USP54: variants seen among roughly 807,000 people sequenced by gnomAD.
The protein encoded by USP54 is ubiquitin carboxyl-terminal hydrolase 54.
In USP54, 87 loss-of-function variants were observed where a neutral mutation model predicts 170.5. The ratio of observed to expected loss-of-function variants is 0.51; its 90% CI spans 0.43 to 0.61. The LOEUF (loss-of-function observed/expected upper bound fraction) is 0.61, where lower values mean the gene tolerates loss of function less well. Among genes scored for constraint, USP54 ranks in the 20% least tolerant of loss-of-function variants. The pLI is 0.00. For synonymous variants in USP54, 655 were observed against 742.8 expected, an observed-to-expected ratio of 0.88 and a Z score of 1.92; for missense variants, 1,786 against 2,047.8, an observed-to-expected ratio of 0.87 and a Z score of 2.47.
intron 3 of USP54, among the ~76,000 whole-genome samples, chr10:73,574,966 C>A (rs1371293495): frequency 6.6e-6 from 1 of 152,050 alleles, no homozygotes; most frequent in Admixed American, 6.6e-5. Flanking sequence ...GTGGTTCATG[C>A]CTGTAATCCC....
chr10:73,541,865 C>T (rs2066667280), intron 7 of USP54, 127 bp from the exon 8 acceptor site: 2 of 867,218 alleles, frequency 2.3e-6, no homozygotes, highest in Admixed American at 2.2e-5. Flanking sequence ...AAGCCCCTGA[C>T]CAGGCTCAGT....
chr10:73,572,512 C>T (rs1306213378), intron 3 of USP54, among the ~76,000 whole-genome samples: 1 of 152,192 alleles, frequency 6.6e-6, no homozygotes, highest in African/African-American at 2.4e-5. Context: ...CAGCACACCT[C>T]CGGAGCTTCT....
At chr10:73,530,674 GAGA>G in intron 13 of USP54, 27 bp downstream of exon 13, 1 of 1,611,790 alleles carries the variant, frequency 6.2e-7, no homozygotes, top group Non-Finnish European at 8.5e-7. Flanking sequence ...GTGAATGAAG[GAGA>G]AAGAGAAGCA....
chr10:73,513,888 C>T (rs1000701198), intron 20 of USP54, among the ~76,000 whole-genome samples: 4 of 152,224 alleles, frequency 2.6e-5, no homozygotes, highest in African/African-American at 7.2e-5. Flanking sequence ...AATCTCAGTT[C>T]ACTGCAACCT....
intron 4 of USP54, among the ~76,000 whole-genome samples, chr10:73,551,944 A>G (rs1365713067): frequency 1.3e-5 from 2 of 152,216 alleles, no homozygotes; most frequent in Non-Finnish European, 2.9e-5. Context: ...TCTCCTATGC[A>G]TAGCACTAGC....
intron 4 of USP54, among the ~76,000 whole-genome samples, chr10:73,551,571 C>G (rs2069367170): frequency 6.6e-6 from 1 of 152,146 alleles, no homozygotes; most frequent in Non-Finnish European, 1.5e-5. Context: ...AAAGCAGTGA[C>G]TGCTTTTACA....
intron 1 of USP54, among the ~76,000 whole-genome samples, chr10:73,577,712 CAAT>C (rs1223524368): frequency 6.6e-6 from 1 of 152,164 alleles, no homozygotes; most frequent in Non-Finnish European, 1.5e-5. Context: ...GACTATTAAA[CAAT>C]GACTTAATTA....
chr10:73,509,032 A>C (rs1161825727), intron 20 of USP54, among the ~76,000 whole-genome samples: 2 of 147,112 alleles, frequency 1.4e-5, no homozygotes, highest in African/African-American at 5.1e-5. Flanking sequence ...CAATGTGTGA[A>C]ATGTTAAAAG....
At chr10:73,595,108 T>C (rs1265892516), upstream of USP54, among the ~76,000 whole-genome samples, 1 of 151,940 alleles carries the variant, frequency 6.6e-6, no homozygotes, top group Admixed American at 6.6e-5. Flanking sequence ...GTATTTTGAG[T>C]AGAGATGGAG....
intron 1 of USP54, among the ~76,000 whole-genome samples, chr10:73,596,720 CAAAAAAAAAAA>C (rs36049099): frequency 2.2e-5 from 2 of 91,866 alleles, no homozygotes; most frequent in African/African-American, 9.0e-5. Context: ...GATCCTGTCT[CAAAAAAAAAAA>C]AAAAAAAAAA....
At chr10:73,505,071 G>A (rs2058865802) in intron 21 of USP54, 81 bp from the exon 22 acceptor site, 27 of 1,586,330 alleles carry the variant, frequency 1.7e-5, no homozygotes, top group East Asian at 2.2e-5. Context: ...TCAGGGTATG[G>A]GAAAGAGTAG....
At chr10:73,512,953 A>G (rs1341362796) in intron 20 of USP54, among the ~76,000 whole-genome samples, 1 of 152,102 alleles carries the variant, frequency 6.6e-6, no homozygotes, top group Non-Finnish European at 1.5e-5. Context: ...TGAGCCAAGA[A>G]GGTCAAGGCT....
intron 4 of USP54, among the ~76,000 whole-genome samples, chr10:73,552,191 G>T (rs946873411): frequency 9.2e-5 from 14 of 152,108 alleles, no homozygotes; most frequent in African/African-American, 2.9e-4. Flanking sequence ...TCTTTTAAAA[G>T]AGAGTTTAAT....
chr10:73,622,920 G>T (rs1470506510), intron 1 of USP54, among the ~76,000 whole-genome samples: 1 of 151,180 alleles, frequency 6.6e-6, no homozygotes, highest in Non-Finnish European at 1.5e-5. Context: ...TCCAGCCTGG[G>T]CAACAGACAA....
intron 4 of USP54, among the ~76,000 whole-genome samples, chr10:73,567,930 T>A (rs2074223972): frequency 6.6e-6 from 1 of 152,190 alleles, no homozygotes; most frequent in African/African-American, 2.4e-5. Context: ...TTTATTTTTT[T>A]AGAGACAGGA....
intron 20 of USP54, among the ~76,000 whole-genome samples, chr10:73,508,051 C>T (rs896950364): frequency 5.3e-5 from 8 of 152,080 alleles, no homozygotes; most frequent in Non-Finnish European, 8.8e-5. Context: ...CTAATCAAGC[C>T]AAATGTGACT....
In USP54 at chr10:73,575,570, C is replaced by T. The variant is rs550705476; in HGVS notation, c.89G>A (p.Ser30Asn). 6.2e-7 allele frequency: 1 copy of T among 1,614,002 alleles called. No homozygotes were observed. Among genetic ancestry groups the T allele is most frequent in the East Asian group, 2.2e-5 (1 of 44,878 alleles). Residue 30 changes from serine to asparagine, a missense_variant, in exon 3 of 24, where the codon AGC becomes AAC. Ser to Asn is a conservative substitution (Grantham distance 46). Coordinates refer to ENST00000687698, the MANE Select transcript of USP54 (RefSeq NM_001391956.1). ...APRSSTSIAP[S>N]KGLSNEPGQN... Reference sequence around the variant, plus strand: ...CCCTGGCTCATTGCTGAGGCCTTTGCTGGGGGCTATGGAGGTTGAGCTTCG... The same window carrying T: ...CCCTGGCTCATTGCTGAGGCCTTTGTTGGGGGCTATGGAGGTTGAGCTTCG...
At chr10:73,571,557 C>T in intron 3 of USP54, 44 bp from the exon 4 acceptor site, 1 of 1,502,764 alleles carries the variant, frequency 6.7e-7, no homozygotes, top group South Asian at 1.2e-5. Context: ...TAAAAAGCTA[C>T]CATTTAATTT....
rs771376297 is a variant in USP54 at position 73,542,830 on chromosome 10, A to G, written c.545T>C (p.Val182Ala). ...AAGGGAAGTGGTGGAGATATAATGT[A>G]CCATCTGGATGAAAGGCAGCGGATC... is the stretch of plus-strand genomic sequence containing the variant. ...TSDPLPFIQMVHYISTTSLCN... is the reference protein window; with the variant it reads ...TSDPLPFIQMAHYISTTSLCN... The change falls in exon 7 of 24, where the codon GTA (valine) becomes GCA (alanine). Residue 182 changes from valine to alanine, a missense_variant. By Grantham distance (64) the Val-to-Ala change is moderately conservative. This residue lies in a region of USP54 where 361 missense variants were observed against 455.0 expected (regional missense o/e 0.79). Coordinates refer to ENST00000687698, the MANE Select transcript of USP54 (RefSeq NM_001391956.1). 1.2e-6 allele frequency: 2 copies of G among 1,614,026 alleles called. No homozygotes were observed.
Sources: gnomAD v4.1 joint callset for allele counts (sites outside exome capture counted in the v4.1 genomes callset) on GRCh38, gnomAD v4.1.1 for gene constraint, gnomAD v4.1.1 regional missense constraint, MANE v1.5 for transcripts, NCBI Gene and HGNC (gene_info 2026-07-23, HGNC 2026-07-21) for gene names.